Variants in ANKRD24 observed in about 807,000 individuals in gnomAD.
The protein encoded by ANKRD24 is ankyrin repeat domain-containing protein 24.
In ANKRD24, 109 loss-of-function variants were observed where a neutral mutation model predicts 127.8. The observed-to-expected ratio is 0.85, with a 90% CI of 0.73 to 1.00. ANKRD24 has a LOEUF of 1.00. Among genes scored for constraint, ANKRD24 ranks in the 50% least tolerant of loss-of-function variants. ANKRD24 has a pLI of 0.00. For synonymous variants in ANKRD24, 743 were observed against 671.1 expected, an observed-to-expected ratio of 1.11 and a Z score of -1.66; for missense variants, 1,648 against 1,570.2, an observed-to-expected ratio of 1.05 and a Z score of -0.84.
rs142062787 is a variant in ANKRD24, at chr19:4,224,648, C to T, written c.*143C>T. On this transcript the variant is annotated 3_prime_UTR_variant, in exon 22 of 22. Transcript: ENST00000318934. ...TTGGAGACCAGCCTGGTTCCCTGCC[C>T]GACCACCCCCAGCTGGCTCCATCAC... is the stretch of plus-strand genomic sequence containing the variant. The T allele has an allele frequency of 2.6e-4, 199 of 762,092 alleles. 1 individual carries two copies. In the African/African-American group the frequency reaches 2.9e-3, roughly 11 times the overall value. The allele number at this position is 762,092 out of a possible 1,614,324, so 47.2% of individuals were successfully genotyped here. A position where few individuals can be genotyped will look rare whatever the true frequency, so the allele number is the denominator to read the frequency against.
In ANKRD24 at chr19:4,202,800, A is replaced by G. The variant is rs536272236; in HGVS notation, c.409-69A>G. The G allele has an allele frequency of 7.3e-6, 11 of 1,502,964 alleles. No homozygotes were observed. In the African/African-American group the frequency reaches 1.5e-4, roughly 21 times the overall value. The allele number at this position is 1,502,964 out of a possible 1,614,324, so 93.1% of individuals were successfully genotyped here. A position where few individuals can be genotyped will look rare whatever the true frequency, so the allele number is the denominator to read the frequency against. ...AAGTATAGCAGAGCCCAGGGTAGGG[A>G]AGGCAGTCCTAGAGAAATCAGGCAG... On this transcript the variant is annotated intron_variant, in intron 6 of 21. Coordinates refer to ENST00000318934, the MANE Select transcript of ANKRD24 (RefSeq NM_001393985.1).
chr19:4,195,167 G>C lies in ANKRD24; in HGVS notation c.37-4516G>C, dbSNP rs1166421607. Among the ~76,000 whole-genome samples the C allele has an allele frequency of 6.6e-6, 1 of 151,320 alleles. No homozygotes were observed. Among genetic ancestry groups the C allele is most frequent in the Non-Finnish European group, 1.5e-5 (1 of 67,612 alleles). ...TGCTCACTGCAAGCTCCGCCTCCCG[G>C]GTGCACGCCATTCTCCTGCCTCAGT... On this transcript the variant is annotated intron_variant, in intron 2 of 21. Coordinates refer to ENST00000318934, the MANE Select transcript of ANKRD24 (RefSeq NM_001393985.1). This position sits in a 1 kb window ranked among gnomAD's most constrained non-coding sequence, Gnocchi z 4.2.
chr19:4,222,801 G>T lies in ANKRD24; in HGVS notation c.3297+6G>T. On this transcript the variant is annotated splice_donor_region_variant and intron_variant, in intron 20 of 21. Coordinates refer to ENST00000318934, the MANE Select transcript of ANKRD24 (RefSeq NM_001393985.1). The stretch of plus-strand genomic sequence containing the variant: ...ATTTACAGCAGCAGCTGCAGGTAAG[G>T]ACTGGGCCACGCAGGGGCCAGGGGA... The T allele has an allele frequency of 6.2e-7, 1 of 1,600,700 alleles. No homozygotes were observed. Among genetic ancestry groups the T allele is most frequent in the South Asian group, 1.1e-5 (1 of 90,218 alleles).
chr19:4,223,391 A>ATT (rs1568349097), intron 20 of ANKRD24, among the ~76,000 whole-genome samples: 31 of 84,738 alleles, frequency 3.7e-4, no homozygotes, highest in African/African-American at 2.1e-3. Flanking sequence ...ATATATATAT[A>ATT]TATATATATA....
At chr19:4,221,961 TGGG>T (rs769160179) in intron 19 of ANKRD24, among the ~76,000 whole-genome samples, 2 of 152,144 alleles carry the variant, frequency 1.3e-5, no homozygotes, top group Non-Finnish European at 2.9e-5. Flanking sequence ...AGTGTCCCCT[TGGG>T]GGGCAGAATT....
intron 7 of ANKRD24, chr19:4,207,009 G>T (rs150562273): frequency 7.8e-5 from 44 of 567,008 alleles, no homozygotes; most frequent in Non-Finnish European, 1.9e-5. Flanking sequence ...GAGCTCAAGC[G>T]GTCCTCCCGC....
chr19:4,190,599 G>C (rs982709084), intron 2 of ANKRD24, among the ~76,000 whole-genome samples: 1 of 152,080 alleles, frequency 6.6e-6, no homozygotes, highest in Non-Finnish European at 1.5e-5. Context: ...CGGGCATGGT[G>C]GTGGGCACCT....
chr19:4,217,009 A>G lies in ANKRD24; in HGVS notation c.1849A>G (p.Asn617Asp), dbSNP rs367818983. The change falls in exon 18 of 22, where the codon AAC becomes GAC. Residue 617 changes from asparagine to aspartate, a missense_variant. Asn to Asp is a conservative substitution (Grantham distance 23). Transcript: ENST00000318934. The stretch of plus-strand genomic sequence containing the variant: ...AATGGAGACCACAGAAGAAGAAGCA[A>G]ACATGGAAACTAAGCCCACAGGAGC... ...REMETTEEEA[N>D]METKPTGAQA... 67 of 1,613,766 alleles carry G rather than the reference A, an allele frequency of 4.2e-5. No individual in the cohort carries two copies. The African/African-American group carries it at 7.5e-4, about 18-fold the overall frequency.
intron 2 of ANKRD24, among the ~76,000 whole-genome samples, chr19:4,192,730 A>G (rs1360880590): frequency 1.3e-5 from 2 of 151,132 alleles, no homozygotes; most frequent in East Asian, 4.0e-4. Flanking sequence ...CAGGAGTTTG[A>G]GACCAGCCTG....
chr19:4,192,025 A>G (rs1352370859), intron 2 of ANKRD24, among the ~76,000 whole-genome samples: 5 of 151,288 alleles, frequency 3.3e-5, no homozygotes, highest in South Asian at 2.1e-4. Flanking sequence ...CTGACCTCCA[A>G]TGAGCCATCC....
In ANKRD24 at chr19:4,217,447, C is replaced by T. The variant is rs1418533652; in HGVS notation, c.2287C>T (p.Arg763Trp). 6 of 1,522,884 alleles carry T rather than the reference C, an allele frequency of 3.9e-6. No individual in the cohort carries two copies. Among genetic ancestry groups the T allele is most frequent in the East Asian group, 2.5e-5 (1 of 40,540 alleles). 94.3% of individuals were successfully genotyped at this position (1,522,884 alleles called of 1,614,324 possible). A position where few individuals can be genotyped will look rare whatever the true frequency, so the allele number is the denominator to read the frequency against. Residue 763 changes from arginine (R) to tryptophan (W), a missense_variant, in exon 18 of 22, where the codon CGG (arginine) becomes TGG (tryptophan). Arg to Trp is a moderately radical substitution (Grantham distance 101). Transcript: ENST00000318934. The stretch of plus-strand genomic sequence containing the variant: ...CGAGGCCGCGGAGGCCGAGGCAGGC[C>T]GGCTGCGAGAGCGTGTCCGCGAGGC... ...KCEAAEAEAG[R>W]LRERVREAEG...
At chr19:4,215,201 T>C (rs1969986659) in intron 15 of ANKRD24, among the ~76,000 whole-genome samples, 1 of 152,012 alleles carries the variant, frequency 6.6e-6, no homozygotes, top group Non-Finnish European at 1.5e-5. Context: ...GTTTTAAAAA[T>C]GGGGGCAGGC....
intron 19 of ANKRD24, among the ~76,000 whole-genome samples, chr19:4,220,490 AATG>A (rs1970382643): frequency 6.6e-6 from 1 of 152,174 alleles, no homozygotes; most frequent in Non-Finnish European, 1.5e-5. Context: ...AAACAATACT[AATG>A]ATGATAACAA....
chr19:4,196,357 T>TG (rs201330010), intron 2 of ANKRD24, among the ~76,000 whole-genome samples: 3 of 150,774 alleles, frequency 2.0e-5, no homozygotes, highest in Non-Finnish European at 3.0e-5. Context: ...TTGTTGTTGT[T>TG]TTAGTTTGTT....
At chr19:4,213,755 C>T (rs1969904085) in intron 15 of ANKRD24, among the ~76,000 whole-genome samples, 2 of 152,296 alleles carry the variant, frequency 1.3e-5, no homozygotes, top group African/African-American at 4.8e-5. Flanking sequence ...CTACCGCAGC[C>T]TCCCGAGTAG....
At position 4,217,982 on chromosome 19, in the gene ANKRD24, T is replaced by G. The variant is rs1268125908; in HGVS notation, c.2822T>G (p.Val941Gly). ...GRAASLEQEV[V>G]ATGKEAARLR... ...GCAGCCAGTCTGGAGCAGGAGGTGG[T>G]GGCCACGGGCAAGGAGGCCGCCCGG... The change falls in exon 18 of 22, where the codon GTG becomes GGG. Residue 941 changes from valine (V) to glycine (G), a missense_variant. Transcript: ENST00000318934. The G allele has an allele frequency of 6.6e-7, 1 of 1,522,786 alleles. No individual in the cohort carries two copies. The highest frequency in any genetic ancestry group is 2.0e-5 in the Admixed American group (1 of 49,806). 94.3% of individuals were successfully genotyped at this position (1,522,786 alleles called of 1,614,324 possible). A position where few individuals can be genotyped will look rare whatever the true frequency, so the allele number is the denominator to read the frequency against.
At position 4,212,511 on chromosome 19, in the gene ANKRD24, C is replaced by CAGGTAGGT; in HGVS notation, c.1097_1098+6dup. 3 of 1,561,924 alleles carry CAGGTAGGT rather than the reference C, an allele frequency of 1.9e-6. No homozygotes were observed. Among genetic ancestry groups the CAGGTAGGT allele is most frequent in the Non-Finnish European group, 2.6e-6 (3 of 1,154,734 alleles). ...CAGCTCCCTGCACATCCTGGAGAGA[C>CAGGTAGGT]AGGTAGGTGGGAAGGTGGGGAGGAG... On this transcript the variant is annotated frameshift_variant and splice_region_variant, in exon 14 of 22. Transcript: ENST00000318934. LOFTEE classifies it high-confidence loss of function.
At position 4,195,142 on chromosome 19, in the gene ANKRD24, T is replaced by TTG. The variant is rs1968634858; in HGVS notation, c.37-4541_37-4540insTG. Among the ~76,000 whole-genome samples, 6 of 151,074 alleles carry TTG rather than the reference T, an allele frequency of 4.0e-5. No homozygotes were observed. In the South Asian group the frequency reaches 1.0e-3, roughly 26 times the overall value. Reference sequence around the variant, plus strand: ...GGTTGGAGTGCAGTGGCACGACTTCTGCTCACTGCAAGCTCCGCCTCCCGG... The same window carrying TTG: ...GGTTGGAGTGCAGTGGCACGACTTCTTGGCTCACTGCAAGCTCCGCCTCCCGG... On this transcript the variant is annotated intron_variant, in intron 2 of 21. Transcript: ENST00000318934. This position sits in a 1 kb window ranked among gnomAD's most constrained non-coding sequence, Gnocchi z 4.2.
chr19:4,191,317 GCCC>G (rs144288548), intron 2 of ANKRD24, among the ~76,000 whole-genome samples: 139,179 of 151,928 alleles, frequency 0.92, 63,949 homozygotes, highest in Non-Finnish European at 0.95. Flanking sequence ...CAGGGGCCAG[GCCC>G]CCCCCTCCTG....
Sources: gnomAD v4.1 joint callset for allele counts (sites outside exome capture counted in the v4.1 genomes callset) on GRCh38, gnomAD v4.1.1 for gene constraint, Gnocchi (gnomAD v3.1) non-coding constraint, MANE v1.5 for transcripts, NCBI Gene and HGNC (gene_info 2026-07-23, HGNC 2026-07-21) for gene names.